The following PHF12 variants were observed in gnomAD, a reference collection of about 807,000 sequenced individuals.
The protein encoded by PHF12 is PHD finger protein 12, also known as PHD factor 1.
In PHF12, 6 loss-of-function variants were observed where a neutral mutation model predicts 99.8. The observed-to-expected ratio is 0.06, with a 90% confidence interval of 0.03 to 0.12. The LOEUF (loss-of-function observed/expected upper bound fraction) is 0.12. PHF12 is among the 10% of genes least tolerant of loss of function. The probability of loss-of-function intolerance (pLI) is 1.00; values close to 1 mark genes in which losing one functional copy is unlikely to be tolerated. For missense variants in PHF12, 954 were observed against 1,300.1 expected (o/e 0.73, Z 4.09); for synonymous variants, 480 against 514.9 (o/e 0.93, Z 0.92).
chr17:28,908,138 G>GT (rs1225830074), intron 12 of PHF12: 1 of 165,174 alleles, frequency 6.1e-6, no homozygotes, highest in Non-Finnish European at 1.3e-5. Context: ...TGAAGATTGG[G>GT]TATGTGTGAG....
chr17:28,917,754 C>T (rs2040088480), intron 6 of PHF12, among the ~76,000 whole-genome samples: 1 of 152,194 alleles, frequency 6.6e-6, no homozygotes, highest in Non-Finnish European at 1.5e-5. Flanking sequence ...TCTTCTGTTC[C>T]AGCTCAGAGA....
At position 28,906,613 on chromosome 17, in the gene PHF12, A is replaced by G. The variant is rs144098031; in HGVS notation, c.2681-96T>C. 24 of 1,363,146 alleles carry G rather than the reference A, an allele frequency of 1.8e-5. No homozygotes were observed. In the African/African-American group the frequency reaches 3.3e-4, roughly 19 times the overall value. The allele number at this position is 1,363,146 out of a possible 1,614,324, so 84.4% of individuals were successfully genotyped here. On this transcript the variant is annotated intron_variant, in intron 14 of 14. Transcript: ENST00000332830. This position sits in a 1 kb window ranked among gnomAD's most constrained non-coding sequence, Gnocchi z 4.2. ...TTGGGCTCCTGCATCTCCCCATTCC[A>G]ACTGCTGCATGACTAGGGAGGAAGG...
chr17:28,908,682 G>A, intron 12 of PHF12, 101 bp downstream of exon 12: 1 of 1,169,796 alleles, frequency 8.5e-7, no homozygotes, highest in Non-Finnish European at 1.2e-6. Flanking sequence ...GTCAACTCTG[G>A]AAAGGGCTTC....
intron 3 of PHF12, chr17:28,924,622 T>G (rs2040232631): frequency 5.2e-6 from 2 of 382,560 alleles, no homozygotes; most frequent in Non-Finnish European, 9.8e-6. Context: ...GCTAAAAAGG[T>G]AACACAGTGA....
chr17:28,905,537 T>C lies in PHF12; in HGVS notation c.*646A>G, dbSNP rs956104305. The C allele has an allele frequency of 6.6e-6, 1 of 152,600 alleles. No individual in the cohort carries two copies. The highest frequency in any genetic ancestry group is 1.5e-5 in the Non-Finnish European group (1 of 68,052). 9.5% of individuals were successfully genotyped at this position (152,600 alleles called of 1,614,324 possible). A position where few individuals can be genotyped will look rare whatever the true frequency, so the allele number is the denominator to read the frequency against. On this transcript the variant is annotated 3_prime_UTR_variant, in exon 15 of 15. Coordinates refer to ENST00000332830, the MANE Select transcript of PHF12 (RefSeq NM_001033561.2). ...TGAAAAAATGTCATCACTAGATGTA[T>C]TTACACAAAATCCAAATACACTTTT...
intron 2 of PHF12, among the ~76,000 whole-genome samples, chr17:28,933,084 CCCT>C (rs1414417663): frequency 2.0e-5 from 3 of 152,174 alleles, no homozygotes; most frequent in African/African-American, 7.2e-5. Flanking sequence ...TGCCCTCGCT[CCCT>C]CTCATCCTCA....
rs938300875 is a variant in PHF12 at position 28,913,092 on chromosome 17, G to C, written c.1479C>G (p.Pro493=). Residue 493 remains proline (P), a synonymous_variant, in exon 9 of 15, where the codon CCC becomes CCG. Transcript: ENST00000332830. ...TGCTAATCCCTGAGGGGCAGGACAA[G>C]GGGTAGTGGGAAGGTGTAGGTGTCT... ...ADKTPTPSHY[P]LSCPSGISTQ... 6.2e-7 allele frequency: 1 copy of C among 1,614,210 alleles called. No individual in the cohort carries two copies. Among genetic ancestry groups the C allele is most frequent in the African/African-American group, 1.3e-5 (1 of 75,054 alleles).
rs550110070 is a variant in PHF12, at chr17:28,912,975, G to C, written c.1596C>G (p.Thr532=). ...CTGGCCCATTGGCAGTCCCACAAGGGGTTTTCTTGGATTTTTCCGCACAAG... is the reference window on the plus strand; with the variant it reads ...CTGGCCCATTGGCAGTCCCACAAGGCGTTTTCTTGGATTTTTCCGCACAAG... ...CSSCAEKSKK[T]PCGTANGPVN... is the part of the protein sequence containing the mutation. Residue 532 remains threonine, a synonymous_variant, in exon 9 of 15, where the codon ACC becomes ACG. Coordinates refer to ENST00000332830, the MANE Select transcript of PHF12 (RefSeq NM_001033561.2). 3.7e-6 allele frequency: 6 copies of C among 1,614,218 alleles called. No individual in the cohort carries two copies. The South Asian group carries it at 5.5e-5, about 15-fold the overall frequency.
Position 28,950,211 on chromosome 17 carries a change from G to T in PHF12, c.102C>A (p.Asp34Glu). 1.2e-6 allele frequency: 2 copies of T among 1,612,350 alleles called. No homozygotes were observed. The highest frequency in any genetic ancestry group is 2.2e-5 in the East Asian group (1 of 44,866). Residue 34 changes from aspartate to glutamate, a missense_variant, in exon 2 of 15, where the codon GAC becomes GAA. Asp to Glu is a conservative substitution (Grantham distance 45, BLOSUM62 2). This residue lies in a region of PHF12 where 66 missense variants were observed against 69.4 expected (regional missense o/e 0.95). Coordinates refer to ENST00000332830, the MANE Select transcript of PHF12 (RefSeq NM_001033561.2). The surrounding 1 kb of genome is among the most constrained non-coding windows in gnomAD (Gnocchi z 5.7). ...GCTTCCGACTGCGCTTTTCTGCCTC[G>T]TCCGTCTTGGGGGGAGCCAGCAGAG... is the stretch of plus-strand genomic sequence containing the variant. ...IQALLAPPKT[D>E]EAEKRSRKPE...
chr17:28,937,967 C>T (rs762649712), intron 2 of PHF12, among the ~76,000 whole-genome samples: 2 of 152,156 alleles, frequency 1.3e-5, no homozygotes. Context: ...TGGGAACATT[C>T]CATTGGAAGG....
At chr17:28,919,446 G>A (rs2040120295) in intron 5 of PHF12, among the ~76,000 whole-genome samples, 171 bp from the exon 6 acceptor site, 1 of 152,178 alleles carries the variant, frequency 6.6e-6, no homozygotes, top group African/African-American at 2.4e-5. Context: ...TTAGAAAGAT[G>A]GATGGGGCTG....
intron 2 of PHF12, among the ~76,000 whole-genome samples, chr17:28,936,160 C>G (rs1462443450): frequency 6.6e-6 from 1 of 152,190 alleles, no homozygotes; most frequent in Non-Finnish European, 1.5e-5. Flanking sequence ...CTGAGTCTAA[C>G]CTCACTCATC....
intron 6 of PHF12, 88 bp downstream of exon 6, chr17:28,919,055 C>T: frequency 6.8e-7 from 1 of 1,476,752 alleles, no homozygotes; most frequent in Non-Finnish European, 9.1e-7. Context: ...GTGAACTTGG[C>T]ACCAAGCTGA....
chr17:28,910,050 T>A lies in PHF12; in HGVS notation c.2359+176A>T, dbSNP rs745583116. The stretch of plus-strand genomic sequence containing the variant: ...CCAAGTCTGATCAGAAAGCTGTGGT[T>A]GCCATCTTGTTCCTGCTCTCTTCAG... On this transcript the variant is annotated intron_variant, in intron 11 of 14. Transcript: ENST00000332830. 5.5e-6 allele frequency: 5 copies of A among 901,702 alleles called. No homozygotes were observed. The Admixed American group carries it at 5.9e-5, about 11-fold the overall frequency. The allele number at this position is 901,702 out of a possible 1,614,324, so 55.9% of individuals were successfully genotyped here.
chr17:28,926,595 G>T, intron 3 of PHF12: 1 of 375,464 alleles, frequency 2.7e-6, no homozygotes, highest in South Asian at 2.1e-5. Context: ...CTCTCCGTCA[G>T]TATGCCAAGT....
intron 13 of PHF12, 98 bp from the exon 14 acceptor site, chr17:28,907,092 TAG>T (rs1598113786): frequency 7.3e-7 from 1 of 1,370,598 alleles, no homozygotes; most frequent in Non-Finnish European, 9.9e-7. Flanking sequence ...CTACTCTACC[TAG>T]AGAGTCCTTA....
chr17:28,912,492 C>A lies in PHF12; in HGVS notation c.2079G>T (p.Ala693=). ...CTGAGCAGCACTCACCTGACGATGG[C>A]GCTGGTGAGCTGAATCGTTGGTTGG... is the stretch of plus-strand genomic sequence containing the variant. ...TTANQRFSSP[A]PSSDGKVSPG... The change falls in exon 9 of 15, where the codon GCG becomes GCT. Residue 693 remains alanine (A), a synonymous_variant. Transcript: ENST00000332830. 6.3e-7 allele frequency: 1 copy of A among 1,596,222 alleles called. No homozygotes were observed. Among genetic ancestry groups the A allele is most frequent in the South Asian group, 1.1e-5 (1 of 88,810 alleles).
chr17:28,918,092 C>T (rs1349772778), intron 6 of PHF12, among the ~76,000 whole-genome samples: 1 of 152,224 alleles, frequency 6.6e-6, no homozygotes, highest in Non-Finnish European at 1.5e-5. Context: ...CGAAGGCATA[C>T]AGAAATTATG....
intron 11 of PHF12, chr17:28,909,589 T>C (rs1410636779): frequency 6.5e-6 from 1 of 153,220 alleles, no homozygotes; most frequent in East Asian, 1.9e-4. Context: ...ATTTTATTTA[T>C]TTATTTACTT....
Sources: gnomAD v4.1 joint callset for allele counts (sites outside exome capture counted in the v4.1 genomes callset) on GRCh38, gnomAD v4.1.1 for gene constraint, gnomAD v4.1.1 regional missense constraint, Gnocchi (gnomAD v3.1) non-coding constraint, MANE v1.5 for transcripts, NCBI Gene and HGNC (gene_info 2026-07-23, HGNC 2026-07-21) for gene names.